RARB: variants seen among roughly 807,000 people sequenced by gnomAD.
RARB encodes the protein retinoic acid receptor beta.
In RARB, 17 loss-of-function variants were observed where a neutral mutation model predicts 51.9. The ratio of observed to expected loss-of-function variants is 0.33; its 90% confidence interval spans 0.22 to 0.49. The LOEUF (loss-of-function observed/expected upper bound fraction) is 0.49, where lower values mean the gene tolerates loss of function less well. Ranked by LOEUF, RARB falls within the 20% of genes least tolerant of loss-of-function variation. The pLI is 0.99. For synonymous variants in RARB, 215 were observed against 195.4 expected, an observed-to-expected ratio of 1.10 and a Z score of -0.84; for missense variants, 369 against 550.8, an observed-to-expected ratio of 0.67 and a Z score of 3.30.
chr3:25,400,443 G>T (rs1236459251), intron 5 of RARB, among the ~76,000 whole-genome samples: 1 of 152,158 alleles, frequency 6.6e-6, no homozygotes, highest in African/African-American at 2.4e-5. Flanking sequence ...GCATTGTGAC[G>T]TGTTGTTCTG....
At chr3:25,159,113 C>T (rs1271781012) in intron 4 of RARB, among the ~76,000 whole-genome samples, 3 of 149,622 alleles carry the variant, frequency 2.0e-5, no homozygotes, top group East Asian at 3.9e-4. Flanking sequence ...GCCACATTTC[C>T]TCTAGTGATG....
intron 5 of RARB, among the ~76,000 whole-genome samples, chr3:25,372,290 TC>T (rs999362620): frequency 2.0e-5 from 3 of 152,108 alleles, no homozygotes; most frequent in Admixed American, 1.3e-4. Context: ...TTTAGCAACA[TC>T]CCCGGATTCT....
At chr3:25,241,223 TTC>T (rs1702423023) in intron 5 of RARB, among the ~76,000 whole-genome samples, 1 of 152,218 alleles carries the variant, frequency 6.6e-6, no homozygotes, top group East Asian at 1.9e-4. Flanking sequence ...TTTGTACAAT[TTC>T]CAAAGTTTCT....
In RARB at chr3:25,085,160, T is replaced by A. The variant is rs181632250; in HGVS notation, c.-328+24984T>A. ...GCCACCTGAAGTTCAAAATACTGAA[T>A]TATTTTATCAGTTGGGATTTATTCT... On this transcript the variant is annotated intron_variant, in intron 3 of 11. Transcript: ENST00000383772. 3.9e-5 allele frequency among the ~76,000 whole-genome samples: 6 copies of A among 152,324 alleles called. No individual in the cohort carries two copies. The East Asian group carries it at 9.6e-4, about 24-fold the overall frequency.
At chr3:25,502,962 G>A (rs574009134) in intron 3 of RARB, among the ~76,000 whole-genome samples, 1 of 152,248 alleles carries the variant, frequency 6.6e-6, no homozygotes, top group Non-Finnish European at 1.5e-5. Flanking sequence ...TACAGCTTTT[G>A]GAATGAGTGT....
chr3:25,341,589 C>T (rs1319914617), intron 5 of RARB, among the ~76,000 whole-genome samples: 2 of 152,124 alleles, frequency 1.3e-5, no homozygotes, highest in Admixed American at 6.5e-5. Flanking sequence ...ACTGACTCTC[C>T]TATTCATCTT....
intron 2 of RARB, among the ~76,000 whole-genome samples, chr3:25,025,539 TAGA>T (rs1697728585): frequency 6.6e-6 from 1 of 152,112 alleles, no homozygotes; most frequent in African/African-American, 2.4e-5. Flanking sequence ...AAAGTTAAAG[TAGA>T]AACTATAAGT....
chr3:25,534,323 T>G (rs560673265), intron 3 of RARB, among the ~76,000 whole-genome samples: 1 of 152,352 alleles, frequency 6.6e-6, no homozygotes, highest in East Asian at 1.9e-4. Flanking sequence ...GCTTGGGTAC[T>G]TTGTACCTGG....
intron 3 of RARB, among the ~76,000 whole-genome samples, chr3:25,518,574 G>T (rs753462779): frequency 2.0e-5 from 3 of 152,094 alleles, no homozygotes; most frequent in Non-Finnish European, 4.4e-5. Flanking sequence ...TATGACCTTA[G>T]ACCCAAAAGA....
intron 3 of RARB, among the ~76,000 whole-genome samples, chr3:25,118,395 C>T (rs1226036388): frequency 2.0e-5 from 3 of 152,268 alleles, no homozygotes; most frequent in African/African-American, 4.8e-5. Flanking sequence ...ATCTCTTTCA[C>T]ACCTTGTGTC....
intron 4 of RARB, among the ~76,000 whole-genome samples, chr3:25,166,529 C>A (rs1003271973): frequency 1.3e-5 from 2 of 152,152 alleles, no homozygotes; most frequent in African/African-American, 4.8e-5. Context: ...ACACCAAGTT[C>A]TAAATCAGCC....
At chr3:25,253,444 T>A (rs1559333012) in intron 5 of RARB, among the ~76,000 whole-genome samples, 1 of 152,140 alleles carries the variant, frequency 6.6e-6, no homozygotes, top group Non-Finnish European at 1.5e-5. Flanking sequence ...CCCTGAAGGA[T>A]CTATAAAATA....
intron 5 of RARB, among the ~76,000 whole-genome samples, chr3:25,383,583 C>T (rs1706694487): frequency 6.6e-6 from 1 of 152,160 alleles, no homozygotes; most frequent in African/African-American, 2.4e-5. Flanking sequence ...TATGTTATCT[C>T]ATATGGTAAC....
intron 2 of RARB, among the ~76,000 whole-genome samples, chr3:24,860,744 A>G (rs945657756): frequency 6.6e-6 from 1 of 152,182 alleles, no homozygotes; most frequent in East Asian, 1.9e-4. Context: ...ACTATTTAAA[A>G]AGGAAAGCAT....
At chr3:25,465,802 T>G (rs1246805682) in intron 2 of RARB, among the ~76,000 whole-genome samples, 1 of 151,974 alleles carries the variant, frequency 6.6e-6, no homozygotes, top group Non-Finnish European at 1.5e-5. Flanking sequence ...CCAAGAATGT[T>G]TAACAGTATA....
At chr3:25,031,456 C>T (rs927037947) in intron 2 of RARB, among the ~76,000 whole-genome samples, 6 of 152,140 alleles carry the variant, frequency 3.9e-5, no homozygotes, top group Admixed American at 3.3e-4. Context: ...TATTATGAGG[C>T]CTCCCCCTTA....
Position 25,013,564 on chromosome 3 carries a change from C to G in RARB, c.-379-46561C>G, listed in dbSNP as rs565127024. Among the ~76,000 whole-genome samples, 11 of 152,140 alleles carry G rather than the reference C, an allele frequency of 7.2e-5. No homozygotes were observed. The South Asian group carries it at 2.1e-3, about 29-fold the overall frequency. Reference sequence around the variant, plus strand: ...CTGGGCTCTGACCTCTGATTTGAACCCTTAACCACCATTTGCCCTCATCTC... The same window carrying G: ...CTGGGCTCTGACCTCTGATTTGAACGCTTAACCACCATTTGCCCTCATCTC... On this transcript the variant is annotated intron_variant, in intron 2 of 11. Transcript: ENST00000383772.
rs1217773023 is a variant in RARB, at chr3:25,329,237, C to T, written c.179-131956C>T. ...GACAGACTGCCTCCTCAAGTGGGTC[C>T]CTGACCCCCGAGTAGCCTAACGGGG... On this transcript the variant is annotated intron_variant, in intron 5 of 11. Coordinates refer to the RARB transcript ENST00000383772. Among the ~76,000 whole-genome samples the T allele has an allele frequency of 2.0e-5, 3 of 152,130 alleles. No homozygotes were observed. The East Asian group carries it at 5.8e-4, about 29-fold the overall frequency.
At chr3:25,571,328 G>T (rs757942601) in intron 4 of RARB, among the ~76,000 whole-genome samples, 1 of 152,342 alleles carries the variant, frequency 6.6e-6, no homozygotes, top group South Asian at 2.1e-4. Flanking sequence ...TGGCCTAGGG[G>T]CATTTCTAAC....
Sources: gnomAD v4.1 joint callset for allele counts (sites outside exome capture counted in the v4.1 genomes callset) on GRCh38, gnomAD v4.1.1 for gene constraint, MANE v1.5 for transcripts, NCBI Gene and HGNC (gene_info 2026-07-23, HGNC 2026-07-21) for gene names.